The following UGT1A6 variants were observed in gnomAD, a reference collection of about 807,000 sequenced individuals.
The protein encoded by UGT1A6 is UDP glucuronosyltransferase family 1 member A6, also known as UDP-glucuronosyltransferase 1A6.
In UGT1A6, 32 loss-of-function variants were observed where a neutral mutation model predicts 44.4. The ratio of observed to expected loss-of-function variants is 0.72; its 90% CI spans 0.54 to 0.97. The LOEUF is 0.97. Ranked by LOEUF, UGT1A6 falls within the 50% of genes least tolerant of loss-of-function variation. UGT1A6 has a pLI of 0.00. For missense variants in UGT1A6, 685 were observed against 661.9 expected (o/e 1.03, Z -0.38); for synonymous variants, 238 against 248.5 (o/e 0.96, Z 0.40).
intron 1 of UGT1A6, among the ~76,000 whole-genome samples, chr2:233,749,208 CA>C (rs1559394087): frequency 6.6e-6 from 1 of 151,746 alleles, no homozygotes; most frequent in Non-Finnish European, 1.5e-5. Flanking sequence ...GTATTATTGC[CA>C]AACACTCTAA....
chr2:233,701,495 T>C (rs1430825762), intron 1 of UGT1A6, among the ~76,000 whole-genome samples: 1 of 152,142 alleles, frequency 6.6e-6, no homozygotes, highest in Non-Finnish European at 1.5e-5. Flanking sequence ...CAAGCGGACC[T>C]AATAGACATC....
At chr2:233,768,767 A>G (rs1699720630) in intron 4 of UGT1A6, among the ~76,000 whole-genome samples, 1 of 151,722 alleles carries the variant, frequency 6.6e-6, no homozygotes, top group South Asian at 2.1e-4. Context: ...ATTTTTTAGT[A>G]GAGAAAGGGT....
At chr2:233,719,417 G>A (rs368434736) in intron 1 of UGT1A6, 88 of 1,613,876 alleles carry the variant, frequency 5.5e-5, no homozygotes, top group South Asian at 3.5e-4. Flanking sequence ...AGTTACTAAC[G>A]ACCAATTCAG....
intron 1 of UGT1A6, among the ~76,000 whole-genome samples, chr2:233,706,095 A>T (rs2075888829): frequency 1.7e-5 from 2 of 120,396 alleles, no homozygotes; most frequent in Non-Finnish European, 3.6e-5. Context: ...ATTCTGTCTT[A>T]AAAAAAAACC....
chr2:233,711,968 G>T (rs545483514), intron 1 of UGT1A6, among the ~76,000 whole-genome samples: 6 of 152,338 alleles, frequency 3.9e-5, no homozygotes, highest in African/African-American at 1.4e-4. Flanking sequence ...TTTGAAATTT[G>T]AACTAGAGCC....
rs1354115874 is a variant in UGT1A6 at position 233,743,513 on chromosome 2, T to A, written c.862-23521T>A. 4 of 1,367,280 alleles carry A rather than the reference T, an allele frequency of 2.9e-6. No homozygotes were observed. In the South Asian group the frequency reaches 3.4e-5, roughly 12 times the overall value. The allele number at this position is 1,367,280 out of a possible 1,614,324, so 84.7% of individuals were successfully genotyped here. ...GCAGAGAAAAGGGGTGCAGACGCTC[T>A]GCTTCTGCTTCCCCAGCAGTTCCTC... On this transcript the variant is annotated intron_variant, in intron 1 of 4. Transcript: ENST00000305139.
intron 1 of UGT1A6, among the ~76,000 whole-genome samples, chr2:233,761,373 T>G (rs1041958865): frequency 6.6e-6 from 1 of 152,254 alleles, no homozygotes; most frequent in Middle Eastern, 3.2e-3. Context: ...TTGGACATTT[T>G]ACTCTGTGTG....
chr2:233,715,603 C>G (rs1207220731), intron 1 of UGT1A6, among the ~76,000 whole-genome samples: 3 of 151,896 alleles, frequency 2.0e-5, no homozygotes, highest in Non-Finnish European at 4.4e-5. Context: ...GAGACTCCAT[C>G]TCTACAAAAA....
At position 233,755,093 on chromosome 2, in the gene UGT1A6, C is replaced by T. The variant is rs566230339; in HGVS notation, c.862-11941C>T. 8.2e-6 allele frequency: 11 copies of T among 1,335,068 alleles called. No individual in the cohort carries two copies. The East Asian group carries it at 3.7e-4, about 44-fold the overall frequency. The allele number at this position is 1,335,068 out of a possible 1,614,324, so 82.7% of individuals were successfully genotyped here. A position where few individuals can be genotyped will look rare whatever the true frequency, so the allele number is the denominator to read the frequency against. ...AGCGGTCATAGATATCGCGTTTCTA[C>T]GCGTCCGACAACACCTCGTAGGCCT... On this transcript the variant is annotated intron_variant, in intron 1 of 4. Transcript: ENST00000305139.
chr2:233,722,026 G>T, intron 1 of UGT1A6: 1 of 245,738 alleles, frequency 4.1e-6, no homozygotes, highest in Non-Finnish European at 8.2e-6. Context: ...GAAACCTCTT[G>T]AATTGCATGA....
rs1333399571 is a variant in UGT1A6 at position 233,769,871 on chromosome 2, A to AT, written c.1301+1432_1301+1433insT. 8.6e-6 allele frequency: 4 copies of AT among 463,518 alleles called. No individual in the cohort carries two copies. Among genetic ancestry groups the AT allele is most frequent in the Non-Finnish European group, 1.5e-5 (4 of 275,572 alleles). The allele number at this position is 463,518 out of a possible 1,614,324, so 28.7% of individuals were successfully genotyped here. A position where few individuals can be genotyped will look rare whatever the true frequency, so the allele number is the denominator to read the frequency against. Reference sequence around the variant, plus strand: ...AGACCCTGTCTCAAAAAAAAAAAAAAAAATGAAAAGTCCACATAACCTGAG... The same window carrying AT: ...AGACCCTGTCTCAAAAAAAAAAAAAATAAATGAAAAGTCCACATAACCTGAG... On this transcript the variant is annotated intron_variant, in intron 4 of 4. Transcript: ENST00000305139. The surrounding 1 kb of genome is among the most constrained non-coding windows in gnomAD (Gnocchi z 4.4).
chr2:233,724,196 G>C (rs2125699234), intron 1 of UGT1A6, among the ~76,000 whole-genome samples: 1 of 131,752 alleles, frequency 7.6e-6, no homozygotes, highest in Admixed American at 7.2e-5. Context: ...CGGGGTGGCT[G>C]GCCGGGCTGA....
chr2:233,729,115 T>G (rs376445258), intron 1 of UGT1A6: 49 of 1,612,840 alleles, frequency 3.0e-5, no homozygotes, highest in Non-Finnish European at 3.5e-5. Context: ...GCTGTCCGTG[T>G]CTTCTGCTGA....
rs777378989 is a variant in UGT1A6 at position 233,692,980 on chromosome 2, C to T, written c.-25C>T. 6.8e-6 allele frequency: 11 copies of T among 1,612,916 alleles called. No homozygotes were observed. Among genetic ancestry groups the T allele is most frequent in the Middle Eastern group, 1.7e-4 (1 of 6,028 alleles). On this transcript the variant is annotated 5_prime_UTR_variant, in exon 1 of 5. Coordinates refer to ENST00000305139, the MANE Select transcript of UGT1A6 (RefSeq NM_001072.4). ...TTGGAGAGTGAAAACTCTTTATTAC[C>T]GTTGTTACTTTAACTCTTTCCAGGA...
intron 1 of UGT1A6, among the ~76,000 whole-genome samples, chr2:233,757,216 G>A (rs1430883014): frequency 6.9e-6 from 1 of 145,650 alleles, no homozygotes; most frequent in Non-Finnish European, 1.5e-5. Context: ...GGAAGCTGCT[G>A]ACCAAGGTTC....
intron 1 of UGT1A6, chr2:233,742,758 T>C (rs1302155264): frequency 1.3e-5 from 2 of 153,094 alleles, no homozygotes. Flanking sequence ...AATATTAAGA[T>C]AATAAATGCA....
At position 233,717,544 on chromosome 2, in the gene UGT1A6, C is replaced by A. The variant is rs1401420661; in HGVS notation, c.861+23679C>A. Among the ~76,000 whole-genome samples, 6 of 152,334 alleles carry A rather than the reference C, an allele frequency of 3.9e-5. No individual in the cohort carries two copies. The East Asian group carries it at 1.2e-3, about 29-fold the overall frequency. On this transcript the variant is annotated intron_variant, in intron 1 of 4. Transcript: ENST00000305139. The stretch of plus-strand genomic sequence containing the variant: ...TCCTCCATAAGGGAAGCCTCAGCCT[C>A]ACCAGCAATGGCAGACATGGCCAGG...
At chr2:233,724,172 A>G (rs2077183283) in intron 1 of UGT1A6, among the ~76,000 whole-genome samples, 1 of 105,510 alleles carries the variant, frequency 9.5e-6, no homozygotes. Flanking sequence ...TGACCCCCCC[A>G]TCTCCCTCCC....
At chr2:233,747,969 T>G in intron 1 of UGT1A6, 1 of 1,613,504 alleles carries the variant, frequency 6.2e-7, no homozygotes. Flanking sequence ...CAGCCATGCA[T>G]CTGTGTGGCT....
Sources: allele counts gnomAD v4.1 joint callset (sites outside exome capture counted in the v4.1 genomes callset), GRCh38; gene constraint gnomAD v4.1.1; non-coding constraint Gnocchi (gnomAD v3.1); transcripts MANE v1.5; gene names NCBI Gene and HGNC (gene_info 2026-07-23, HGNC 2026-07-21).